CELSR2: variants seen among roughly 807,000 people sequenced by gnomAD.
The protein encoded by CELSR2 is EGF-like protein 2.
Under a neutral mutation model 251.6 loss-of-function variants are expected in CELSR2, and 81 were observed. The ratio of observed to expected loss-of-function variants is 0.32; its 90% CI spans 0.27 to 0.39. The LOEUF (loss-of-function observed/expected upper bound fraction) is 0.39. CELSR2 is among the 10% of genes least tolerant of loss of function. CELSR2 has a pLI of 1.00. For synonymous variants in CELSR2, 1,721 were observed against 1,670.5 expected (o/e 1.03, Z -0.74); for missense variants, 3,365 against 3,947.7 (o/e 0.85, Z 3.96).
chr1:109,251,232 G>A lies in CELSR2; in HGVS notation c.1153G>A (p.Val385Ile). 1.9e-6 allele frequency: 3 copies of A among 1,614,084 alleles called. No homozygotes were observed. The highest frequency in any genetic ancestry group is 1.7e-5 in the Admixed American group (1 of 60,024). ...DPGPRSTTAA[V>I]FLSVEDDNDN... is the part of the protein sequence containing the mutation. The stretch of plus-strand genomic sequence containing the variant: ...GGGTCCTCGGAGTACCACAGCCGCT[G>A]TTTTCCTTTCTGTGGAGGATGACAA... Residue 385 changes from valine (V) to isoleucine (I), a missense_variant, in exon 1 of 34, where the codon GTT becomes ATT. This residue lies in a region of CELSR2 where 704 missense variants were observed against 784.1 expected (regional missense o/e 0.90). Transcript: ENST00000271332. The surrounding 1 kb of genome is among the most constrained non-coding windows in gnomAD (Gnocchi z 4.9).
At chr1:109,267,182 G>A (rs556144410) in intron 15 of CELSR2, among the ~76,000 whole-genome samples, 22 of 152,150 alleles carry the variant, frequency 1.4e-4, no homozygotes, top group Admixed American at 2.6e-4. Context: ...GGGGAGTAGG[G>A]GGTGTTGGCT....
At chr1:109,263,074 C>T (rs1656068005) in intron 7 of CELSR2, 68 bp from the exon 8 acceptor site, 1 of 1,579,688 alleles carries the variant, frequency 6.3e-7, no homozygotes, top group Admixed American at 1.7e-5. Flanking sequence ...GCCTCTCTAA[C>T]TGCTGCCACA....
rs760792496 is a variant in CELSR2 at position 109,264,285 on chromosome 1, C to T, written c.5209C>T (p.Leu1737=). ...CAACCTGGGCCCCCGGCTGCATGGT[C>T]TGCACCTGAGCAACATAACAGTGGG... ...EGNLGPRLHG[L]HLSNITVGGI... is the part of the protein sequence containing the mutation. The change falls in exon 10 of 34, where the codon CTG becomes TTG. Residue 1737 remains leucine (L), a synonymous_variant. Coordinates refer to ENST00000271332, the MANE Select transcript of CELSR2 (RefSeq NM_001408.3). The T allele has an allele frequency of 1.9e-6, 3 of 1,613,988 alleles. No homozygotes were observed. Among genetic ancestry groups the T allele is most frequent in the Admixed American group, 1.7e-5 (1 of 60,030 alleles).
At chr1:109,263,828 G>A in intron 9 of CELSR2, 51 bp downstream of exon 9, 1 of 1,582,078 alleles carries the variant, frequency 6.3e-7, no homozygotes, top group Non-Finnish European at 8.6e-7. Context: ...GGCCCTGGTA[G>A]CCTCTAGGCG....
In CELSR2 at chr1:109,274,044, C is replaced by T. The variant is rs1291388409; in HGVS notation, c.8767C>T (p.His2923Tyr). ...GSEFLFFNFL[H>Y] ...CAGATTTCTCTTCTTTAACTTCCTG[C>T]ATTAACCCTGGGCCGTGGTTCCTAC... Residue 2923 changes from histidine to tyrosine, a missense_variant, in exon 34 of 34, where the codon CAT becomes TAT. Transcript: ENST00000271332. 5 of 1,614,160 alleles carry T rather than the reference C, an allele frequency of 3.1e-6. No individual in the cohort carries two copies. The South Asian group carries it at 5.5e-5, about 18-fold the overall frequency.
chr1:109,266,013 G>C, intron 14 of CELSR2, 92 bp from the exon 15 acceptor site: 1 of 1,580,566 alleles, frequency 6.3e-7, no homozygotes, highest in African/African-American at 1.3e-5. Context: ...CAGGCCTGGG[G>C]AGGCCTGGGG....
In CELSR2 at chr1:109,274,318, G is replaced by T; in HGVS notation, c.*269G>T. On this transcript the variant is annotated 3_prime_UTR_variant, in exon 34 of 34. Coordinates refer to ENST00000271332, the MANE Select transcript of CELSR2 (RefSeq NM_001408.3). ...CCAAGACAAAGTTTTTCAGAAAAGA[G>T]GAAAAAAAGAATTTAAAAAAGGATC... The T allele has an allele frequency of 1.5e-6, 1 of 666,930 alleles. No individual in the cohort carries two copies. Among genetic ancestry groups the T allele is most frequent in the Non-Finnish European group, 2.3e-6 (1 of 430,014 alleles). The allele number at this position is 666,930 out of a possible 1,614,324, so 41.3% of individuals were successfully genotyped here. A position where few individuals can be genotyped will look rare whatever the true frequency, so the allele number is the denominator to read the frequency against.
chr1:109,250,079 G>C lies in CELSR2; in HGVS notation c.-1G>C. 2.0e-6 allele frequency: 3 copies of C among 1,470,652 alleles called. No individual in the cohort carries two copies. Among genetic ancestry groups the C allele is most frequent in the Non-Finnish European group, 2.7e-6 (3 of 1,118,958 alleles). The allele number at this position is 1,470,652 out of a possible 1,614,324, so 91.1% of individuals were successfully genotyped here. On this transcript the variant is annotated 5_prime_UTR_variant, in exon 1 of 34. Coordinates refer to ENST00000271332, the MANE Select transcript of CELSR2 (RefSeq NM_001408.3). This position sits in a 1 kb window ranked among gnomAD's most constrained non-coding sequence, Gnocchi z 4.4. Reference sequence around the variant, plus strand: ...CGGCCGCCGGCCGGGAGCTGGGAGAGATGCGGAGCCCGGCCACCGGCGTCC... The same window carrying C: ...CGGCCGCCGGCCGGGAGCTGGGAGACATGCGGAGCCCGGCCACCGGCGTCC...
intron 8 of CELSR2, 112 bp from the exon 9 acceptor site, chr1:109,263,499 C>T (rs1656086663): frequency 1.4e-6 from 2 of 1,468,884 alleles, no homozygotes; most frequent in Admixed American, 1.9e-5. Flanking sequence ...GAGGGCGGGG[C>T]TGATGAGGGG....
intron 5 of CELSR2, 33 bp from the exon 6 acceptor site, chr1:109,262,254 G>A (rs1191062869): frequency 1.2e-6 from 2 of 1,608,918 alleles, no homozygotes; most frequent in African/African-American, 1.3e-5. Context: ...TCTGTACTCA[G>A]TGTCCCCCTT....
rs1366579573 is a variant in CELSR2, at chr1:109,263,479, A to G, written c.4835-132A>G. The stretch of plus-strand genomic sequence containing the variant: ...AGCGTGGGGCGGTCCCAGGGCAGGT[A>G]CGCACTTTGGAGGGCGGGGCTGATG... On this transcript the variant is annotated intron_variant, in intron 8 of 33. Transcript: ENST00000271332. The G allele has an allele frequency of 2.3e-5, 32 of 1,409,770 alleles. No individual in the cohort carries two copies. The South Asian group carries it at 3.9e-4, about 17-fold the overall frequency. 87.3% of individuals were successfully genotyped at this position (1,409,770 alleles called of 1,614,324 possible).
At position 109,272,268 on chromosome 1, in the gene CELSR2, C is replaced by T. The variant is rs983706347; in HGVS notation, c.7927-10C>T. 5 of 1,573,128 alleles carry T rather than the reference C, an allele frequency of 3.2e-6. No homozygotes were observed. Among genetic ancestry groups the T allele is most frequent in the Non-Finnish European group, 4.3e-6 (5 of 1,156,316 alleles). On this transcript the variant is annotated splice_polypyrimidine_tract_variant and intron_variant, in intron 28 of 33. Transcript: ENST00000271332. The stretch of plus-strand genomic sequence containing the variant: ...CTCCCCACTTACTGACCTCTCTGTT[C>T]CCTGCCTAGTCCTACAACTGCCCCA...
intron 6 of CELSR2, 116 bp downstream of exon 6, chr1:109,262,560 C>A: frequency 1.4e-6 from 2 of 1,434,544 alleles, no homozygotes; most frequent in Non-Finnish European, 9.4e-7. Context: ...TTAGCCCCTG[C>A]TCAGCCCTGG....
At position 109,249,551 on chromosome 1, in the gene CELSR2, C is replaced by A. The variant is rs549825851; in HGVS notation, c.-529C>A. On this transcript the variant is annotated 5_prime_UTR_variant, in exon 1 of 34. Coordinates refer to ENST00000271332, the MANE Select transcript of CELSR2 (RefSeq NM_001408.3). ...CCGCCGCGACTCTGCAGAGCTCGCC[C>A]GCCCGCCGGGGAGGCGAGGGAGCGC... Among the ~76,000 whole-genome samples, 1 of 150,514 alleles carries A rather than the reference C, an allele frequency of 6.6e-6. No homozygotes were observed. Among genetic ancestry groups the A allele is most frequent in the African/African-American group, 2.4e-5 (1 of 41,206 alleles).
intron 1 of CELSR2, among the ~76,000 whole-genome samples, chr1:109,255,721 T>C (rs1248262421): frequency 6.6e-6 from 1 of 152,202 alleles, no homozygotes; most frequent in Non-Finnish European, 1.5e-5. Flanking sequence ...GGAAGACAGC[T>C]CAGGCAACGT....
rs201416867 is a variant in CELSR2, at chr1:109,251,199, C to A, written c.1120C>A (p.Arg374=). 6.2e-7 allele frequency: 1 copy of A among 1,613,684 alleles called. No individual in the cohort carries two copies. Among genetic ancestry groups the A allele is most frequent in the East Asian group, 2.2e-5 (1 of 44,868 alleles). Residue 374 remains arginine (R), a synonymous_variant, in exon 1 of 34, where the codon CGG becomes AGG. Transcript: ENST00000271332. This position sits in a 1 kb window ranked among gnomAD's most constrained non-coding sequence, Gnocchi z 4.9. ...QLTVEASDQG[R]DPGPRSTTAA... ...GACGGTAGAGGCAAGTGACCAGGGT[C>A]GGGACCCGGGTCCTCGGAGTACCAC...
chr1:109,274,256 C>A lies in CELSR2; in HGVS notation c.*207C>A. The A allele has an allele frequency of 7.8e-7, 1 of 1,284,626 alleles. No individual in the cohort carries two copies. The highest frequency in any genetic ancestry group is 1.0e-6 in the Non-Finnish European group (1 of 960,140). 79.6% of individuals were successfully genotyped at this position (1,284,626 alleles called of 1,614,324 possible). A position where few individuals can be genotyped will look rare whatever the true frequency, so the allele number is the denominator to read the frequency against. ...TAGTGCCAACTCCCCCCCCACCATT[C>A]CCCTCACTGCACTTTGGACCCCTGG... On this transcript the variant is annotated 3_prime_UTR_variant, in exon 34 of 34. Coordinates refer to ENST00000271332, the MANE Select transcript of CELSR2 (RefSeq NM_001408.3).
Position 109,258,897 on chromosome 1 carries a change from C to T in CELSR2, c.3776C>T (p.Ser1259Phe), listed in dbSNP as rs369399127. 5 of 1,612,612 alleles carry T rather than the reference C, an allele frequency of 3.1e-6. No individual in the cohort carries two copies. Among genetic ancestry groups the T allele is most frequent in the South Asian group, 2.2e-5 (2 of 90,912 alleles). Reference sequence around the variant, plus strand: ...TCCTCCGCGCCCTTCATCGCCTCCTCCTCCGTGCTCTTCCGGCCCATCCAC... The same window carrying T: ...TCCTCCGCGCCCTTCATCGCCTCCTTCTCCGTGCTCTTCCGGCCCATCCAC... ...FDSSAPFIAS[S>F]SVLFRPIHPV... Residue 1259 changes from serine (S) to phenylalanine (F), a missense_variant, in exon 2 of 34, where the codon TCC becomes TTC. Coordinates refer to ENST00000271332, the MANE Select transcript of CELSR2 (RefSeq NM_001408.3).
rs1395263746 is a variant in CELSR2, at chr1:109,263,133, C to T, written c.4709-9C>T. The T allele has an allele frequency of 2.5e-6, 4 of 1,593,552 alleles. No individual in the cohort carries two copies. Among genetic ancestry groups the T allele is most frequent in the African/African-American group, 1.3e-5 (1 of 74,616 alleles). On this transcript the variant is annotated splice_polypyrimidine_tract_variant and intron_variant, in intron 7 of 33. Coordinates refer to ENST00000271332, the MANE Select transcript of CELSR2 (RefSeq NM_001408.3). Reference sequence around the variant, plus strand: ...TCAGGTCCACTGAGCTGCCTTCTCTCCATTCCAGGCTGCCCTGCCAAGAAG... The same window carrying T: ...TCAGGTCCACTGAGCTGCCTTCTCTTCATTCCAGGCTGCCCTGCCAAGAAG...
Sources: gnomAD v4.1 joint callset for allele counts (sites outside exome capture counted in the v4.1 genomes callset) on GRCh38, gnomAD v4.1.1 for gene constraint, gnomAD v4.1.1 regional missense constraint, Gnocchi (gnomAD v3.1) non-coding constraint, MANE v1.5 for transcripts, NCBI Gene and HGNC (gene_info 2026-07-23, HGNC 2026-07-21) for gene names.